The following TEP1 variants were observed in gnomAD, a reference collection of about 807,000 sequenced individuals.
TEP1 encodes the protein telomerase associated protein 1.
In TEP1, 241 loss-of-function variants were observed where a neutral mutation model predicts 306.3. That is an observed-to-expected ratio of 0.79 (90% CI 0.71 to 0.88). TEP1 has a LOEUF of 0.88. Ranked by LOEUF, TEP1 falls within the 40% of genes least tolerant of loss-of-function variation. TEP1 has a pLI of 0.00. For synonymous variants in TEP1, 1,289 were observed against 1,305.5 expected, an observed-to-expected ratio of 0.99 and a Z score of 0.27; for missense variants, 3,051 against 3,276.1, an observed-to-expected ratio of 0.93 and a Z score of 1.68.
chr14:20,375,983 C>A, intron 42 of TEP1, 115 bp from the exon 43 acceptor site: 1 of 1,481,422 alleles, frequency 6.8e-7, no homozygotes, highest in Non-Finnish European at 9.3e-7. Flanking sequence ...CACAGGCAGA[C>A]AGATCTATAC....
intron 41 of TEP1, among the ~76,000 whole-genome samples, 174 bp downstream of exon 41, chr14:20,377,106 T>G (rs984934552): frequency 1.3e-5 from 2 of 151,688 alleles, no homozygotes; most frequent in African/African-American, 4.9e-5. Flanking sequence ...TCCCAGCTAC[T>G]CGGGAGGCCG....
chr14:20,409,766 A>G (rs1401531201), intron 1 of TEP1, among the ~76,000 whole-genome samples: 1 of 152,100 alleles, frequency 6.6e-6, no homozygotes. Flanking sequence ...CACGCCTGTA[A>G]TCCCAGCACT....
Position 20,400,813 on chromosome 14 carries a change from G to A in TEP1, c.1549+171C>T. 5 of 749,704 alleles carry A rather than the reference G, an allele frequency of 6.7e-6. No homozygotes were observed. The South Asian group carries it at 1.0e-4, about 15-fold the overall frequency. 46.4% of individuals were successfully genotyped at this position (749,704 alleles called of 1,614,324 possible). ...TATGATGCCAACATTACTCAAAGCA[G>A]GTACCACTGTTTACTTTGGTGTAGT... On this transcript the variant is annotated intron_variant, in intron 9 of 54. Coordinates refer to ENST00000262715, the MANE Select transcript of TEP1 (RefSeq NM_007110.5).
In TEP1 at chr14:20,382,652, G is replaced by A. The variant is rs776455935; in HGVS notation, c.4111C>T (p.His1371Tyr). 133 of 1,613,958 alleles carry A rather than the reference G, an allele frequency of 8.2e-5. No individual in the cohort carries two copies. Among genetic ancestry groups the A allele is most frequent in the Admixed American group, 1.2e-4 (7 of 59,996 alleles). ...RPLYLRLVTD[H>Y]LRLFTLYEQV... ...TCATACAGCGTGAAGAGCCTCAGGT[G>A]ATCGGTGACCAAGCGCAGGTAGAGC... The change falls in exon 28 of 55, where the codon CAC becomes TAC. Residue 1371 changes from histidine to tyrosine, a missense_variant. This residue lies in a region of TEP1 where 1,540 missense variants were observed against 1,705.9 expected (regional missense o/e 0.90). Coordinates refer to ENST00000262715, the MANE Select transcript of TEP1 (RefSeq NM_007110.5).
At chr14:20,402,489 T>C (rs955117328) in intron 7 of TEP1, among the ~76,000 whole-genome samples, 5 of 152,228 alleles carry the variant, frequency 3.3e-5, no homozygotes, top group African/African-American at 9.6e-5. Context: ...ATAACGATGA[T>C]GGTAGTGATA....
At position 20,386,576 on chromosome 14, in the gene TEP1, TG is replaced by T; in HGVS notation, c.2731del (p.His911MetfsTer8). 4 of 1,608,866 alleles carry T rather than the reference TG, an allele frequency of 2.5e-6. No homozygotes were observed. The highest frequency in any genetic ancestry group is 2.6e-6 in the Non-Finnish European group (3 of 1,176,458). On this transcript the variant is annotated frameshift_variant, in exon 19 of 55. Transcript: ENST00000262715. LOFTEE classifies it high-confidence loss of function. ...CCTCAGCAGCAGGTCCCGCTCCCCA[TG>T]CATGTCTCGGAAAGTGGATGAAATG... is the stretch of plus-strand genomic sequence containing the variant. ...LFISSTFRDM[H>X]GERDLLLRSV...
chr14:20,385,355 T>C (rs1012263161), intron 20 of TEP1, among the ~76,000 whole-genome samples: 1 of 152,118 alleles, frequency 6.6e-6, no homozygotes, highest in Admixed American at 6.6e-5. Flanking sequence ...TTACAGACCT[T>C]TGATTTTTTT....
At position 20,367,368 on chromosome 14, in the gene TEP1, C is replaced by CAAT. The variant is rs1555319039; in HGVS notation, c.*1068_*1069insATT. On this transcript the variant is annotated 3_prime_UTR_variant, in exon 55 of 55. Transcript: ENST00000262715. ...ACAGAGCCAGACTCTATCTCAAAAA[C>CAAT]AAAAAAAAAAAAAAAAGGTTTTTTA... 2.0e-5 allele frequency: 2 copies of CAAT among 101,656 alleles called. No individual in the cohort carries two copies. Among genetic ancestry groups the CAAT allele is most frequent in the African/African-American group, 3.5e-5 (1 of 28,352 alleles). The allele number at this position is 101,656 out of a possible 1,614,324, so 6.3% of individuals were successfully genotyped here.
chr14:20,380,178 A>G (rs1885444257), intron 34 of TEP1, 57 bp downstream of exon 34: 2 of 1,588,518 alleles, frequency 1.3e-6, no homozygotes, highest in East Asian at 2.2e-5. Flanking sequence ...TCAGTTTCAG[A>G]AAGAGCTGCA....
At chr14:20,399,177 G>A (rs112150591) in intron 9 of TEP1, among the ~76,000 whole-genome samples, 5,487 of 152,324 alleles carry the variant, frequency 0.036, 126 homozygotes, top group South Asian at 0.076. Context: ...ACAGGCGTGA[G>A]CCATGGTGCC....
intron 49 of TEP1, among the ~76,000 whole-genome samples, 189 bp downstream of exon 49, chr14:20,372,544 C>CT (rs1566439381): frequency 6.6e-6 from 1 of 152,166 alleles, no homozygotes; most frequent in African/African-American, 2.4e-5. Flanking sequence ...TGGCCCAGAG[C>CT]TTGGCATCAA....
At chr14:20,376,598 C>T (rs796575314) in intron 41 of TEP1, among the ~76,000 whole-genome samples, 7 of 152,332 alleles carry the variant, frequency 4.6e-5, no homozygotes, top group African/African-American at 1.4e-4. Flanking sequence ...ACTTCCACCT[C>T]GTGACCTGTG....
At chr14:20,386,387 A>G in intron 19 of TEP1, 60 bp downstream of exon 19, 1 of 1,574,570 alleles carries the variant, frequency 6.4e-7, no homozygotes, top group Non-Finnish European at 8.6e-7. Context: ...TGCCCACCTC[A>G]GGTCCACCAC....
chr14:20,376,800 A>G (rs1344993233), intron 41 of TEP1, among the ~76,000 whole-genome samples: 1 of 152,274 alleles, frequency 6.6e-6, no homozygotes, highest in Non-Finnish European at 1.5e-5. Flanking sequence ...CAGTCTAAAC[A>G]GATTATGCAA....
At position 20,383,297 on chromosome 14, in the gene TEP1, C is replaced by T; in HGVS notation, c.3924G>A (p.Glu1308=). 2 of 1,612,558 alleles carry T rather than the reference C, an allele frequency of 1.2e-6. No homozygotes were observed. The highest frequency in any genetic ancestry group is 1.1e-5 in the South Asian group (1 of 90,814). The change falls in exon 27 of 55, where the codon GAG becomes GAA. Residue 1308 remains glutamate, a synonymous_variant. Coordinates refer to ENST00000262715, the MANE Select transcript of TEP1 (RefSeq NM_007110.5). The part of the protein sequence containing the change: ...SSDAGLGETL[E]QSQGAHVLAL... ...CCAGCACGTGGGCACCCTGGCTCTG[C>T]TCAAGGGTCTCCCCTAGGCCTGCAT...
intron 4 of TEP1, 123 bp downstream of exon 4, chr14:20,405,328 T>C: frequency 7.5e-7 from 1 of 1,336,830 alleles, no homozygotes; most frequent in Non-Finnish European, 1.0e-6. Context: ...CACCCAGAAA[T>C]CCTTCCTAAG....
At chr14:20,382,129 GTC>G in intron 29 of TEP1, 66 bp from the exon 30 acceptor site, 1 of 1,610,656 alleles carries the variant, frequency 6.2e-7, no homozygotes, top group Non-Finnish European at 8.5e-7. Context: ...ACCACACCCA[GTC>G]TCTCCTTGAA....
chr14:20,400,737 A>G (rs186820082), intron 9 of TEP1: 1 of 484,896 alleles, frequency 2.1e-6, no homozygotes, highest in East Asian at 3.5e-5. Context: ...TACTTTTGTC[A>G]TATGTTGATA....
chr14:20,404,106 G>C (rs1325376364), intron 5 of TEP1, among the ~76,000 whole-genome samples: 3 of 152,156 alleles, frequency 2.0e-5, no homozygotes, highest in African/African-American at 4.8e-5. Context: ...TGTAATCCCA[G>C]CACTTAGGGA....
Sources: gnomAD v4.1 joint callset for allele counts (sites outside exome capture counted in the v4.1 genomes callset) on GRCh38, gnomAD v4.1.1 for gene constraint, gnomAD v4.1.1 regional missense constraint, MANE v1.5 for transcripts, NCBI Gene and HGNC (gene_info 2026-07-23, HGNC 2026-07-21) for gene names.